DOCK3: variants seen among roughly 807,000 people sequenced by gnomAD.
The protein encoded by DOCK3 is dedicator of cytokinesis 3, also known as dedicator of cytokinesis protein 3.
Under a neutral mutation model 265.6 loss-of-function variants are expected in DOCK3, and 60 were observed. The observed-to-expected ratio is 0.23, with a 90% CI of 0.18 to 0.28. DOCK3 has a LOEUF of 0.28. Ranked by LOEUF, DOCK3 falls within the 10% of genes least tolerant of loss-of-function variation. The pLI is 1.00. For synonymous variants in DOCK3, 881 were observed against 938.0 expected, an observed-to-expected ratio of 0.94 and a Z score of 1.11; for missense variants, 1,981 against 2,594.3, an observed-to-expected ratio of 0.76 and a Z score of 5.14.
chr3:50,804,436 C>T (rs57077411), intron 2 of DOCK3, among the ~76,000 whole-genome samples: 3,800 of 152,262 alleles, frequency 0.025, 183 homozygotes, highest in African/African-American at 0.087. Flanking sequence ...CACTGCACTC[C>T]AGCCTGGGCA....
chr3:50,743,238 C>T (rs1044376233), intron 1 of DOCK3, among the ~76,000 whole-genome samples: 24 of 151,842 alleles, frequency 1.6e-4, no homozygotes, highest in African/African-American at 4.8e-4. Context: ...ACTGCAAAAT[C>T]GTGCCAAATT....
chr3:51,358,364 G>A (rs2086506287), intron 46 of DOCK3, among the ~76,000 whole-genome samples: 1 of 152,196 alleles, frequency 6.6e-6, no homozygotes, highest in Non-Finnish European at 1.5e-5. Context: ...TTTCATATGT[G>A]AAGGAAGAGA....
chr3:51,249,095 G>A (rs2079008971), intron 22 of DOCK3, among the ~76,000 whole-genome samples: 1 of 151,788 alleles, frequency 6.6e-6, no homozygotes, highest in Middle Eastern at 3.4e-3. Flanking sequence ...CGTCCGGGAG[G>A]GAGGTGGGGG....
intron 5 of DOCK3, among the ~76,000 whole-genome samples, chr3:51,051,524 A>G (rs948043395): frequency 3.3e-5 from 5 of 152,122 alleles, no homozygotes; most frequent in Non-Finnish European, 7.4e-5. Context: ...GTAGTTGACC[A>G]TATTCTTTTT....
At chr3:51,196,349 T>A (rs2088294036) in intron 12 of DOCK3, among the ~76,000 whole-genome samples, 2 of 152,218 alleles carry the variant, frequency 1.3e-5, no homozygotes, top group South Asian at 4.1e-4. Flanking sequence ...CATCTTTGAT[T>A]TTAGGCAGTC....
At chr3:50,909,767 C>T (rs1031081585) in intron 4 of DOCK3, among the ~76,000 whole-genome samples, 8 of 148,812 alleles carry the variant, frequency 5.4e-5, no homozygotes, top group Non-Finnish European at 1.2e-4. Context: ...GTTGGCCTGT[C>T]TTGCTTGGTT....
chr3:51,312,676 T>A, intron 30 of DOCK3, 100 bp downstream of exon 30: 4 of 1,320,396 alleles, frequency 3.0e-6, no homozygotes, highest in Non-Finnish European at 4.1e-6. Context: ...CTCAGCTGGG[T>A]GGTTTCCCAG....
intron 5 of DOCK3, among the ~76,000 whole-genome samples, chr3:50,941,277 G>A (rs1298570750): frequency 6.6e-6 from 1 of 152,098 alleles, no homozygotes; most frequent in Non-Finnish European, 1.5e-5. Flanking sequence ...ATAGGGACAA[G>A]GAGGATATGT....
In DOCK3 at chr3:51,381,086, C is replaced by A. The variant is rs376834847; in HGVS notation, c.5620C>A (p.Pro1874Thr). ...LHPIPASPTS[P>T]QSGLDGSNST... Reference sequence around the variant, plus strand: ...CCCTATCCCAGCCTCCCCCACAAGCCCCCAGTCAGGTCTGGACGGCAGCAA... The same window carrying A: ...CCCTATCCCAGCCTCCCCCACAAGCACCCAGTCAGGTCTGGACGGCAGCAA... The change falls in exon 53 of 53, where the codon CCC (proline) becomes ACC (threonine). Residue 1874 changes from proline (P) to threonine (T), a missense_variant. Coordinates refer to ENST00000266037, the MANE Select transcript of DOCK3 (RefSeq NM_004947.5). The surrounding 1 kb of genome is among the most constrained non-coding windows in gnomAD (Gnocchi z 5.6). The A allele has an allele frequency of 6.2e-7, 1 of 1,610,000 alleles. No homozygotes were observed.
chr3:51,349,215 C>T (rs2110182147), intron 39 of DOCK3, among the ~76,000 whole-genome samples: 1 of 152,274 alleles, frequency 6.6e-6, no homozygotes, highest in African/African-American at 2.4e-5. Flanking sequence ...GAGGTGGCAG[C>T]TCAACTTCAC....
At chr3:51,117,128 A>C (rs1378243909) in intron 9 of DOCK3, among the ~76,000 whole-genome samples, 1 of 152,158 alleles carries the variant, frequency 6.6e-6, no homozygotes, top group Non-Finnish European at 1.5e-5. Flanking sequence ...TTATTTTAAG[A>C]TATTTTCCAT....
At chr3:50,686,195 A>G (rs1057481803) in intron 1 of DOCK3, among the ~76,000 whole-genome samples, 13 of 152,034 alleles carry the variant, frequency 8.6e-5, no homozygotes, top group Non-Finnish European at 1.9e-4. Context: ...GACGGAAGGC[A>G]GTGACACCAG....
chr3:51,355,045 G>A (rs771605271), intron 41 of DOCK3, 22 bp downstream of exon 41: 4 of 1,609,214 alleles, frequency 2.5e-6, no homozygotes, highest in Non-Finnish European at 3.4e-6. Context: ...TACTGGGTGG[G>A]AGGAGGAGGG....
At position 50,769,811 on chromosome 3, in the gene DOCK3, C is replaced by CAAAA. The variant is rs3066895; in HGVS notation, c.38-8846_38-8843dup. On this transcript the variant is annotated intron_variant, in intron 1 of 52. Coordinates refer to ENST00000266037, the MANE Select transcript of DOCK3 (RefSeq NM_004947.5). ...TGGGCGATAGAGCAAGACTCTGTCT[C>CAAAA]AAAAAAAAAAAAAAAAAAAAAGTTT... Among the ~76,000 whole-genome samples, 26 of 88,510 alleles carry CAAAA rather than the reference C, an allele frequency of 2.9e-4. 1 individual carries two copies. The highest frequency in any genetic ancestry group is 1.2e-3 in the African/African-American group (26 of 22,406). The allele number at this position is 88,510 out of a possible 152,430, so 58.1% of individuals were successfully genotyped here.
chr3:51,026,359 T>G (rs931933639), intron 5 of DOCK3, among the ~76,000 whole-genome samples: 5 of 152,136 alleles, frequency 3.3e-5, no homozygotes, highest in African/African-American at 9.7e-5. Flanking sequence ...TCTTTTGATC[T>G]GCAGCTGAAT....
chr3:50,985,466 A>G (rs1478683313), intron 5 of DOCK3, among the ~76,000 whole-genome samples: 1 of 152,092 alleles, frequency 6.6e-6, no homozygotes, highest in African/African-American at 2.4e-5. Flanking sequence ...GTTTCTATTT[A>G]ATAGATTAAA....
intron 5 of DOCK3, among the ~76,000 whole-genome samples, chr3:50,983,397 C>T (rs1197812888): frequency 1.3e-5 from 2 of 152,102 alleles, no homozygotes; most frequent in African/African-American, 4.8e-5. Flanking sequence ...TCTGGGCCCA[C>T]CCATGGCCGC....
intron 5 of DOCK3, among the ~76,000 whole-genome samples, chr3:50,987,529 TAAA>T (rs994282638): frequency 2.0e-5 from 3 of 152,172 alleles, no homozygotes; most frequent in African/African-American, 4.8e-5. Flanking sequence ...AATAGCAACT[TAAA>T]AAATTTGGTG....
At chr3:50,795,549 T>A (rs1160493751) in intron 2 of DOCK3, among the ~76,000 whole-genome samples, 1 of 152,098 alleles carries the variant, frequency 6.6e-6, no homozygotes. Context: ...ACCCAGCTAA[T>A]TTTTGTATTT....
Sources: gnomAD v4.1 joint callset for allele counts (sites outside exome capture counted in the v4.1 genomes callset) on GRCh38, gnomAD v4.1.1 for gene constraint, Gnocchi (gnomAD v3.1) non-coding constraint, MANE v1.5 for transcripts, NCBI Gene and HGNC (gene_info 2026-07-23, HGNC 2026-07-21) for gene names.